WNT3: variants seen among roughly 807,000 people sequenced by gnomAD.
The protein encoded by WNT3 is proto-oncogene Wnt-3.
A neutral mutation model predicts 34.2 loss-of-function variants in WNT3; 7 were observed. The observed-to-expected ratio is 0.20, with a 90% CI of 0.12 to 0.38. The LOEUF (loss-of-function observed/expected upper bound fraction) is 0.38. Ranked by LOEUF, WNT3 falls within the 10% of genes least tolerant of loss-of-function variation. The probability of loss-of-function intolerance (pLI) is 1.00; values close to 1 mark genes in which losing one functional copy is unlikely to be tolerated. For missense variants in WNT3, 267 were observed against 499.8 expected (o/e 0.53, Z 4.44); for synonymous variants, 212 against 211.5 (o/e 1.00, Z -0.02).
At chr17:46,785,061 G>T (rs1354310147) in intron 1 of WNT3, among the ~76,000 whole-genome samples, 2 of 152,182 alleles carry the variant, frequency 1.3e-5, no homozygotes, top group South Asian at 4.1e-4. Context: ...ACAGGCGTGA[G>T]CCACCGTGCC....
chr17:46,785,037 A>G (rs2146409285), intron 1 of WNT3, among the ~76,000 whole-genome samples: 1 of 152,116 alleles, frequency 6.6e-6, no homozygotes, highest in East Asian at 1.9e-4. Flanking sequence ...TTGGCCTCCC[A>G]AAGTGCTGGG....
At chr17:46,771,702 C>A (rs1233663241) in intron 2 of WNT3, among the ~76,000 whole-genome samples, 5 of 143,882 alleles carry the variant, frequency 3.5e-5, no homozygotes, top group Non-Finnish European at 3.1e-5. Context: ...GCGGCCGGGC[C>A]GCGCCCCCGG....
In WNT3 at chr17:46,764,173, G is replaced by GAGGA. The variant is rs1433985883; in HGVS notation, c.*456_*457insTCCT. On this transcript the variant is annotated 3_prime_UTR_variant, in exon 5 of 5. Coordinates refer to ENST00000225512, the MANE Select transcript of WNT3 (RefSeq NM_030753.5). ...ACTGCAGGGGTGTGTCCTACTTCCT[G>GAGGA]ACTCCCACCCTCCAGGCGTCTTGGA... 6.6e-6 allele frequency: 1 copy of GAGGA among 152,358 alleles called. No individual in the cohort carries two copies. The highest frequency in any genetic ancestry group is 2.4e-5 in the African/African-American group (1 of 41,442). The allele number at this position is 152,358 out of a possible 1,614,324, so 9.4% of individuals were successfully genotyped here.
intron 1 of WNT3, among the ~76,000 whole-genome samples, chr17:46,782,547 C>A (rs985799362): frequency 6.6e-6 from 1 of 152,250 alleles, no homozygotes; most frequent in African/African-American, 2.4e-5. Flanking sequence ...AGGAACCAAG[C>A]GTTGGCTTTG....
At chr17:46,772,453 T>C (rs1476861341) in intron 2 of WNT3, among the ~76,000 whole-genome samples, 2 of 152,286 alleles carry the variant, frequency 1.3e-5, no homozygotes, top group African/African-American at 4.8e-5. Context: ...AGACGCAGGG[T>C]TGTTTGATTC....
At chr17:46,769,388 T>A (rs950286415) in intron 3 of WNT3, among the ~76,000 whole-genome samples, 1 of 150,366 alleles carries the variant, frequency 6.7e-6, no homozygotes, top group South Asian at 2.1e-4. Context: ...ATGGGGAAAC[T>A]GAGGCTGGGA....
chr17:46,777,888 C>T (rs2059425111), intron 1 of WNT3, among the ~76,000 whole-genome samples: 1 of 152,204 alleles, frequency 6.6e-6, no homozygotes, highest in Non-Finnish European at 1.5e-5. Flanking sequence ...CTCTTTCCAC[C>T]AAACCCTGTC....
intron 4 of WNT3, among the ~76,000 whole-genome samples, chr17:46,765,788 G>C (rs2059307251): frequency 6.6e-6 from 1 of 152,254 alleles, no homozygotes; most frequent in African/African-American, 2.4e-5. Flanking sequence ...TCCTGGGCCA[G>C]GCCCTTCATG....
rs536534334 is a variant in WNT3, at chr17:46,785,868, G to C, written c.81-11959C>G. Among the ~76,000 whole-genome samples the C allele has an allele frequency of 7.2e-5, 11 of 152,196 alleles. No homozygotes were observed. The South Asian group carries it at 2.1e-3, about 29-fold the overall frequency. ...GGGAAGGGAGGGAAGGGGTGTGGAG[G>C]GCGGGGCAGTGCCTGGGCTGGAATG... On this transcript the variant is annotated intron_variant, in intron 1 of 4. Coordinates refer to ENST00000225512, the MANE Select transcript of WNT3 (RefSeq NM_030753.5).
At chr17:46,784,162 A>T (rs1306821778) in intron 1 of WNT3, among the ~76,000 whole-genome samples, 1 of 152,168 alleles carries the variant, frequency 6.6e-6, no homozygotes, top group Non-Finnish European at 1.5e-5. Flanking sequence ...GGAAGCTGTG[A>T]ATAAGGACTG....
chr17:46,814,899 G>A (rs2084321337), intron 1 of WNT3, among the ~76,000 whole-genome samples: 1 of 152,214 alleles, frequency 6.6e-6, no homozygotes, highest in Non-Finnish European at 1.5e-5. Flanking sequence ...GGGAGGATGG[G>A]TCCTGGGATG....
At chr17:46,770,559 T>A (rs952814370) in intron 2 of WNT3, among the ~76,000 whole-genome samples, 1 of 151,496 alleles carries the variant, frequency 6.6e-6, no homozygotes, top group South Asian at 2.1e-4. Flanking sequence ...GGACGGCCCC[T>A]CTCCTTTTCT....
chr17:46,786,964 G>A (rs560382344), intron 1 of WNT3, among the ~76,000 whole-genome samples: 70 of 150,396 alleles, frequency 4.7e-4, no homozygotes, highest in African/African-American at 1.4e-3. Flanking sequence ...TTGAGACAGG[G>A]TCTCACTCTG....
At position 46,768,834 on chromosome 17, in the gene WNT3, G is replaced by A. The variant is rs369138039; in HGVS notation, c.589-35C>T. On this transcript the variant is annotated intron_variant, in intron 3 of 4. Transcript: ENST00000225512. This position sits in a 1 kb window ranked among gnomAD's most constrained non-coding sequence, Gnocchi z 5.0. Reference sequence around the variant, plus strand: ...AGAAGTGGCAGCTGGCCAACAGACCGACCCCACGAGGGGGCACATCCAGGC... The same window carrying A: ...AGAAGTGGCAGCTGGCCAACAGACCAACCCCACGAGGGGGCACATCCAGGC... The A allele has an allele frequency of 6.0e-5, 96 of 1,604,564 alleles. No homozygotes were observed. Among genetic ancestry groups the A allele is most frequent in the African/African-American group, 5.7e-4 (43 of 74,970 alleles).
At chr17:46,796,369 A>AACCCC (rs1401115296) in intron 1 of WNT3, among the ~76,000 whole-genome samples, 1 of 152,212 alleles carries the variant, frequency 6.6e-6, no homozygotes, top group East Asian at 1.9e-4. Context: ...GCCGCATATT[A>AACCCC]ACCCCATAAT....
intron 1 of WNT3, among the ~76,000 whole-genome samples, chr17:46,788,783 C>G (rs2083940958): frequency 6.6e-6 from 1 of 152,132 alleles, no homozygotes; most frequent in Non-Finnish European, 1.5e-5. Flanking sequence ...TTTCCCTGCC[C>G]TCAGCAGCCC....
chr17:46,784,825 G>A, intron 1 of WNT3, among the ~76,000 whole-genome samples: 1 of 150,154 alleles, frequency 6.7e-6, no homozygotes, highest in Admixed American at 6.7e-5. Context: ...GCCCAGGCTG[G>A]AGTGCAGTGG....
At chr17:46,774,674 G>A (rs563925227) in intron 1 of WNT3, among the ~76,000 whole-genome samples, 7 of 152,212 alleles carry the variant, frequency 4.6e-5, no homozygotes, top group East Asian at 3.9e-4. Flanking sequence ...TCTGCCCCTC[G>A]CTTTGTAATC....
At chr17:46,785,938 C>T (rs370506751) in intron 1 of WNT3, among the ~76,000 whole-genome samples, 12 of 152,326 alleles carry the variant, frequency 7.9e-5, no homozygotes, top group East Asian at 7.7e-4. Context: ...CGCCTGCCTG[C>T]GGCTCTGGCT....
Sources: allele counts gnomAD v4.1 joint callset (sites outside exome capture counted in the v4.1 genomes callset), GRCh38; gene constraint gnomAD v4.1.1; non-coding constraint Gnocchi (gnomAD v3.1); transcripts MANE v1.5; gene names NCBI Gene and HGNC (gene_info 2026-07-23, HGNC 2026-07-21).